The following KDM5C variants were observed in gnomAD, a reference collection of about 807,000 sequenced individuals.
The protein encoded by KDM5C is lysine demethylase 5C.
In KDM5C, 16 loss-of-function variants were observed where a neutral mutation model predicts 110.6. That is an observed-to-expected ratio of 0.14 (90% CI 0.10 to 0.22). The LOEUF (loss-of-function observed/expected upper bound fraction) is 0.22, where lower values mean the gene tolerates loss of function less well. KDM5C is among the 10% of genes least tolerant of loss of function. KDM5C has a pLI of 1.00. For missense variants in KDM5C, 681 were observed against 1,300.9 expected (o/e 0.52, Z 7.33); for synonymous variants, 511 against 520.4 (o/e 0.98, Z 0.24).
chrX:53,224,554 C>T (rs2073987122), intron 1 of KDM5C, among the ~76,000 whole-genome samples, 186 bp downstream of exon 1: 1 of 111,285 alleles, frequency 9.0e-6, no homozygotes, highest in South Asian at 3.8e-4. Flanking sequence ...TCCAGGTCAC[C>T]TGTGGGCCTC....
chrX:53,199,305 C>A (rs1569264486), intron 14 of KDM5C, 147 bp from the exon 15 acceptor site: 3 of 562,267 alleles, frequency 5.3e-6, no homozygotes, highest in Admixed American at 2.8e-5. Flanking sequence ...AGCATACCTG[C>A]CCTTTGTAAA....
At position 53,218,251 on chromosome X, in the gene KDM5C, G is replaced by A. The variant is rs1355051729; in HGVS notation, c.351+25C>T. 4 of 1,208,967 alleles carry A rather than the reference G, an allele frequency of 3.3e-6. No homozygotes were observed. In the African/African-American group the frequency reaches 7.0e-5, roughly 21 times the overall value. ...AGGATATTGGGGTTTGGTGGGAGGG[G>A]TGCTTGACAAAAACCTGTTCTTACT... On this transcript the variant is annotated intron_variant, in intron 3 of 25. Coordinates refer to ENST00000375401, the MANE Select transcript of KDM5C (RefSeq NM_004187.5).
chrX:53,215,769 T>C, intron 7 of KDM5C, 26 bp downstream of exon 7: 1 of 1,199,047 alleles, frequency 8.3e-7, no homozygotes, highest in Non-Finnish European at 1.1e-6. Context: ...AAGCAGAGCA[T>C]TAAGAAGTCA....
intron 14 of KDM5C, among the ~76,000 whole-genome samples, chrX:53,200,638 CCA>C (rs1192000416): frequency 9.0e-6 from 1 of 111,681 alleles, no homozygotes; most frequent in African/African-American, 3.3e-5. Flanking sequence ...TCCCTATAGC[CCA>C]CACTCACAGG....
rs782461881 is a variant in KDM5C at position 53,215,599 on chromosome X, C to CA, written c.963+195dup. The CA allele has an allele frequency of 1.7e-5, 8 of 469,083 alleles. No homozygotes were observed. The East Asian group carries it at 2.9e-4, about 17-fold the overall frequency. 38.7% of individuals were successfully genotyped at this position (469,083 alleles called of 1,213,427 possible). ...GGACCCTTCCAGCACTTCATGTTGA[C>CA]AGCACTTGATCACCCTTTCTTGCTC... is the stretch of plus-strand genomic sequence containing the variant. On this transcript the variant is annotated intron_variant, in intron 7 of 25. Transcript: ENST00000375401.
At chrX:53,200,533 A>G (rs1556841081) in intron 14 of KDM5C, among the ~76,000 whole-genome samples, 1 of 111,369 alleles carries the variant, frequency 9.0e-6, no homozygotes, top group Non-Finnish European at 1.9e-5. Flanking sequence ...TACTGAACAG[A>G]GTGAGAAAAT....
chrX:53,212,039 CT>C, intron 8 of KDM5C, 133 bp from the exon 9 acceptor site: 1 of 766,078 alleles, frequency 1.3e-6, no homozygotes, highest in Non-Finnish European at 2.0e-6. Flanking sequence ...TGAGGCAGGC[CT>C]TACTTTACAG....
At chrX:53,182,118 CTT>C (rs1243360028) in intron 25 of KDM5C, among the ~76,000 whole-genome samples, 1 of 101,304 alleles carries the variant, frequency 9.9e-6, no homozygotes, top group Non-Finnish European at 2.0e-5. Context: ...GATTTTCGCT[CTT>C]GTTGCCCAGG....
At chrX:53,197,081 T>G in intron 18 of KDM5C, 37 bp from the exon 19 acceptor site, 1 of 1,056,341 alleles carries the variant, frequency 9.5e-7, no homozygotes, top group African/African-American at 1.8e-5. Flanking sequence ...ACTCCTCAGC[T>G]GGGCCCACTG....
At chrX:53,204,238 C>CTTTTTTTTT (rs10604955) in intron 12 of KDM5C, among the ~76,000 whole-genome samples, 1 of 60,797 alleles carries the variant, frequency 1.6e-5, no homozygotes, top group African/African-American at 6.2e-5. Context: ...AAAGAAAATC[C>CTTTTTTTTT]TTTTTTTTTT....
intron 1 of KDM5C, among the ~76,000 whole-genome samples, chrX:53,224,517 G>A (rs1371808088): frequency 9.0e-6 from 1 of 111,452 alleles, no homozygotes; most frequent in Non-Finnish European, 1.9e-5. Context: ...TGATTCTGAA[G>A]GGCCGGGGTG....
At chrX:53,189,161 G>A (rs782714318), downstream of KDM5C, among the ~76,000 whole-genome samples, 7 of 112,337 alleles carry the variant, frequency 6.2e-5, no homozygotes, top group East Asian at 2.8e-4. Flanking sequence ...TATGTACCTC[G>A]GCAATATGAA....
chrX:53,221,637 G>C, intron 1 of KDM5C: 1 of 652,429 alleles, frequency 1.5e-6, no homozygotes, highest in Non-Finnish European at 2.2e-6. Flanking sequence ...GCCTGAGATA[G>C]ACACTGCAGG....
intron 12 of KDM5C, among the ~76,000 whole-genome samples, chrX:53,206,464 T>C (rs782642278): frequency 8.0e-5 from 9 of 111,856 alleles, no homozygotes; most frequent in Non-Finnish European, 1.5e-4. Context: ...TAGCAAATCA[T>C]ACCGCAATAA....
chrX:53,214,419 T>A, intron 8 of KDM5C: 2 of 341,901 alleles, frequency 5.8e-6, no homozygotes, highest in East Asian at 4.5e-5. Context: ...TATCTCAGAG[T>A]TTCTAACACA....
intron 2 of KDM5C, among the ~76,000 whole-genome samples, chrX:53,218,917 A>G (rs782802393): frequency 8.0e-5 from 9 of 112,061 alleles, no homozygotes; most frequent in Non-Finnish European, 1.3e-4. Flanking sequence ...AGTCAATCAG[A>G]GAAGCCCAAG....
downstream of KDM5C, chrX:53,191,856 T>C (rs1934441793): frequency 1.1e-5 from 2 of 175,843 alleles, no homozygotes; most frequent in African/African-American, 5.8e-5. Flanking sequence ...AACAAAAAAA[T>C]CCCTTTGGGA....
intron 25 of KDM5C, among the ~76,000 whole-genome samples, chrX:53,177,499 G>T (rs1399544356): frequency 8.9e-6 from 1 of 112,725 alleles, no homozygotes; most frequent in Non-Finnish European, 1.9e-5. Flanking sequence ...ATTGTGAATT[G>T]TGTTAGGTGT....
chrX:53,181,696 A>C (rs1489202198), intron 25 of KDM5C, among the ~76,000 whole-genome samples: 1 of 108,972 alleles, frequency 9.2e-6, no homozygotes, highest in African/African-American at 3.3e-5. Context: ...AAAAAAAAAA[A>C]AAAGAAAAAG....
Sources: gnomAD v4.1 joint callset for allele counts (sites outside exome capture counted in the v4.1 genomes callset) on GRCh38, gnomAD v4.1.1 for gene constraint, MANE v1.5 for transcripts, NCBI Gene and HGNC (gene_info 2026-07-23, HGNC 2026-07-21) for gene names.